The following PTPN12 variants were observed in gnomAD, a reference collection of about 807,000 sequenced individuals.
The protein encoded by PTPN12 is protein tyrosine phosphatase non-receptor type 12, also known as tyrosine-protein phosphatase non-receptor type 12.
PTPN12 carries 29 observed loss-of-function variants against 97.6 expected under a neutral mutation model. That is an observed-to-expected ratio of 0.30 (90% CI 0.22 to 0.41). The LOEUF (loss-of-function observed/expected upper bound fraction) is 0.41. PTPN12 is among the 10% of genes least tolerant of loss of function. The probability of loss-of-function intolerance (pLI) is 1.00; values close to 1 mark genes in which losing one functional copy is unlikely to be tolerated. For synonymous variants in PTPN12, 327 were observed against 300.4 expected, an observed-to-expected ratio of 1.09 and a Z score of -0.91; for missense variants, 819 against 926.0, an observed-to-expected ratio of 0.88 and a Z score of 1.50.
chr7:77,575,926 A>G (rs1787327266), intron 2 of PTPN12, among the ~76,000 whole-genome samples: 1 of 152,070 alleles, frequency 6.6e-6, no homozygotes, highest in Admixed American at 6.6e-5. Flanking sequence ...ATCTCGGCTC[A>G]CTGCGACCTC....
intron 9 of PTPN12, among the ~76,000 whole-genome samples, chr7:77,608,627 A>AT (rs1788454556): frequency 6.6e-6 from 1 of 151,654 alleles, no homozygotes; most frequent in Non-Finnish European, 1.5e-5. Flanking sequence ...TAAAATGTTT[A>AT]TTTTTTCTTT....
chr7:77,585,498 T>C, intron 4 of PTPN12, 45 bp from the exon 5 acceptor site: 1 of 1,535,050 alleles, frequency 6.5e-7, no homozygotes, highest in Non-Finnish European at 9.0e-7. Context: ...AAAATTGTGT[T>C]TAACTGATAC....
chr7:77,618,250 A>G (rs1788818294), intron 11 of PTPN12, among the ~76,000 whole-genome samples: 1 of 152,044 alleles, frequency 6.6e-6, no homozygotes, highest in Non-Finnish European at 1.5e-5. Context: ...GCTGCTGTAC[A>G]CCTTGATCTT....
intron 12 of PTPN12, among the ~76,000 whole-genome samples, chr7:77,624,894 G>A (rs191715144): frequency 3.9e-5 from 6 of 152,016 alleles, no homozygotes; most frequent in East Asian, 3.9e-4. Flanking sequence ...AGCACTTTGC[G>A]GGGGCCGAGG....
At chr7:77,573,758 T>G (rs866803425) in intron 2 of PTPN12, among the ~76,000 whole-genome samples, 5 of 152,214 alleles carry the variant, frequency 3.3e-5, no homozygotes, top group South Asian at 2.1e-4. Flanking sequence ...CATATGATGT[T>G]TCATTTTCTT....
intron 11 of PTPN12, among the ~76,000 whole-genome samples, chr7:77,614,252 C>T (rs909264656): frequency 6.6e-6 from 1 of 152,174 alleles, no homozygotes; most frequent in African/African-American, 2.4e-5. Flanking sequence ...ATAAATACCG[C>T]ATCACCTTTT....
chr7:77,635,750 T>C (rs1370701185), intron 14 of PTPN12, 32 bp from the exon 15 acceptor site: 3 of 1,403,216 alleles, frequency 2.1e-6, no homozygotes, highest in Non-Finnish European at 2.9e-6. Flanking sequence ...AAATTCAAGG[T>C]GTTAATAACA....
intron 1 of PTPN12, among the ~76,000 whole-genome samples, chr7:77,541,725 A>G (rs1177965523): frequency 6.6e-6 from 1 of 152,036 alleles, no homozygotes; most frequent in Non-Finnish European, 1.5e-5. Context: ...GAGGATAGAA[A>G]TTTTCCACCT....
chr7:77,575,433 A>C (rs915264797), intron 2 of PTPN12, among the ~76,000 whole-genome samples: 4 of 152,176 alleles, frequency 2.6e-5, no homozygotes, highest in African/African-American at 9.7e-5. Context: ...ACTTGAGACC[A>C]GGAGGTCAAG....
At position 77,603,883 on chromosome 7, in the gene PTPN12, CTTTTTT is replaced by C. The variant is rs773037726; in HGVS notation, c.695+3095_695+3100del. Among the ~76,000 whole-genome samples, 24 of 87,858 alleles carry C rather than the reference CTTTTTT, an allele frequency of 2.7e-4. No individual in the cohort carries two copies. The South Asian group carries it at 6.3e-3, about 23-fold the overall frequency. 57.6% of individuals were successfully genotyped at this position (87,858 alleles called of 152,430 possible). On this transcript the variant is annotated intron_variant, in intron 8 of 17. Transcript: ENST00000248594. ...ATACTGTGTGTTATCTTTTTGTTTG[CTTTTTT>C]TTTTTTTTTTTTTTTTTGAGACAGA...
rs192803763 is a variant in PTPN12 at position 77,584,794 on chromosome 7, G to A, written c.382-749G>A. On this transcript the variant is annotated intron_variant, in intron 4 of 17. Transcript: ENST00000248594. Reference sequence around the variant, plus strand: ...CAGCAGGCTAAGGCAGGAGAATGGCGTGAACCCGGGAGGCAGCGCTTGCAG... The same window carrying A: ...CAGCAGGCTAAGGCAGGAGAATGGCATGAACCCGGGAGGCAGCGCTTGCAG... Among the ~76,000 whole-genome samples the A allele has an allele frequency of 4.6e-5, 7 of 151,838 alleles. No individual in the cohort carries two copies. The South Asian group carries it at 1.2e-3, about 27-fold the overall frequency.
chr7:77,576,612 A>T (rs781715331), intron 2 of PTPN12, among the ~76,000 whole-genome samples: 11 of 152,116 alleles, frequency 7.2e-5, no homozygotes, highest in Non-Finnish European at 1.3e-4. Flanking sequence ...CACGAGAATC[A>T]CTTGAACCTG....
At chr7:77,540,542 A>G (rs1806918616) in intron 1 of PTPN12, among the ~76,000 whole-genome samples, 1 of 151,982 alleles carries the variant, frequency 6.6e-6, no homozygotes, top group South Asian at 2.1e-4. Flanking sequence ...CCGAGAGTTC[A>G]TTTCTCCAAG....
chr7:77,589,400 C>G (rs1787795271), intron 5 of PTPN12, among the ~76,000 whole-genome samples: 1 of 152,088 alleles, frequency 6.6e-6, no homozygotes, highest in South Asian at 2.1e-4. Context: ...ACAGATAATT[C>G]ATATTTAAAT....
chr7:77,546,472 T>G (rs1807224543), intron 1 of PTPN12, among the ~76,000 whole-genome samples: 1 of 152,242 alleles, frequency 6.6e-6, no homozygotes, highest in South Asian at 2.1e-4. Flanking sequence ...TCCTGTAGTA[T>G]TTAAGTTTCT....
At chr7:77,618,440 T>A in intron 11 of PTPN12, 40 bp from the exon 12 acceptor site, 1 of 1,335,948 alleles carries the variant, frequency 7.5e-7, no homozygotes, top group Non-Finnish European at 1.0e-6. Context: ...GAAAAATTAT[T>A]TTTCTCTTAA....
intron 5 of PTPN12, among the ~76,000 whole-genome samples, chr7:77,591,231 G>C (rs144725422): frequency 5.9e-5 from 9 of 152,222 alleles, no homozygotes; most frequent in Admixed American, 1.3e-4. Flanking sequence ...TCCATTTACT[G>C]TATTTGGAAC....
chr7:77,563,203 C>T (rs189111994), intron 1 of PTPN12, among the ~76,000 whole-genome samples: 30 of 152,248 alleles, frequency 2.0e-4, no homozygotes, highest in African/African-American at 7.0e-4. Flanking sequence ...CTTAAAGCTG[C>T]CCTATTGTGA....
intron 1 of PTPN12, among the ~76,000 whole-genome samples, chr7:77,552,525 A>G (rs1412786809): frequency 1.3e-5 from 2 of 152,142 alleles, no homozygotes; most frequent in African/African-American, 2.4e-5. Context: ...TTAAAATAGG[A>G]TGTAGGTTGG....
Sources: gnomAD v4.1 joint callset for allele counts (sites outside exome capture counted in the v4.1 genomes callset) on GRCh38, gnomAD v4.1.1 for gene constraint, MANE v1.5 for transcripts, NCBI Gene and HGNC (gene_info 2026-07-23, HGNC 2026-07-21) for gene names.